LAMA3: variants seen among roughly 807,000 people sequenced by gnomAD.
LAMA3 encodes laminin subunit alpha 3, also known as laminin subunit alpha-3.
A neutral mutation model predicts 402.0 loss-of-function variants in LAMA3; 281 were observed. The observed-to-expected ratio is 0.70, with a 90% CI of 0.63 to 0.77. The LOEUF (loss-of-function observed/expected upper bound fraction) is 0.77, where lower values mean the gene tolerates loss of function less well. Among genes scored for constraint, LAMA3 ranks in the 30% least tolerant of loss-of-function variants. The probability of loss-of-function intolerance (pLI) is 0.00; values close to 1 mark genes in which losing one functional copy is unlikely to be tolerated. For missense variants in LAMA3, 3,840 were observed against 4,215.5 expected, an observed-to-expected ratio of 0.91 and a Z score of 2.47; for synonymous variants, 1,431 against 1,558.4, an observed-to-expected ratio of 0.92 and a Z score of 1.93.
intron 10 of LAMA3, 122 bp from the exon 11 acceptor site, chr18:23,777,435 A>G (rs938201162): frequency 7.0e-6 from 5 of 718,896 alleles, no homozygotes; most frequent in African/African-American, 1.8e-5. Context: ...TCTTTAAATT[A>G]GTCTCTATAT....
At chr18:23,912,929 G>A (rs374741608) in intron 56 of LAMA3, 48 bp downstream of exon 56, 78 of 1,553,654 alleles carry the variant, frequency 5.0e-5, no homozygotes, top group African/African-American at 1.2e-4. Flanking sequence ...AATGTTTTTC[G>A]AGAGGTGTGC....
intron 70 of LAMA3, 39 bp from the exon 71 acceptor site, chr18:23,949,726 G>A (rs775444128): frequency 6.2e-7 from 1 of 1,609,264 alleles, no homozygotes; most frequent in African/African-American, 1.3e-5. Flanking sequence ...TTTCTTGGAG[G>A]TGTAGGTAAT....
chr18:23,791,343 T>C (rs1305042799), intron 12 of LAMA3, among the ~76,000 whole-genome samples: 1 of 152,162 alleles, frequency 6.6e-6, no homozygotes, highest in African/African-American at 2.4e-5. Flanking sequence ...AAGCAGCAGA[T>C]ACAGTTACTT....
intron 34 of LAMA3, among the ~76,000 whole-genome samples, chr18:23,859,887 G>T (rs780733985): frequency 1.3e-5 from 2 of 152,052 alleles, no homozygotes; most frequent in Non-Finnish European, 2.9e-5. Flanking sequence ...TCCTACCTTG[G>T]TCTTCCTGGC....
intron 2 of LAMA3, among the ~76,000 whole-genome samples, chr18:23,739,622 C>T (rs966737190): frequency 3.3e-5 from 5 of 152,118 alleles, no homozygotes; most frequent in Non-Finnish European, 7.4e-5. Context: ...TTGGAAAGAA[C>T]CATTATGAGT....
chr18:23,799,674 C>T (rs371207892), intron 12 of LAMA3, among the ~76,000 whole-genome samples: 11 of 152,082 alleles, frequency 7.2e-5, no homozygotes, highest in Non-Finnish European at 1.5e-4. Flanking sequence ...AATAGCAGAA[C>T]AAGCCTGTAG....
At chr18:23,770,469 G>A (rs1399094564) in intron 8 of LAMA3, among the ~76,000 whole-genome samples, 1 of 152,026 alleles carries the variant, frequency 6.6e-6, no homozygotes, top group Non-Finnish European at 1.5e-5. Flanking sequence ...GTACATCAAA[G>A]AGCTTAACAA....
At chr18:23,896,342 CAAAAGCAAAAACA>C (rs2080871806) in intron 44 of LAMA3, among the ~76,000 whole-genome samples, 1 of 152,112 alleles carries the variant, frequency 6.6e-6, no homozygotes, top group Non-Finnish European at 1.5e-5. Flanking sequence ...TCTCAAAAAA[CAAAAGCAAAAACA>C]AAAAACAAAA....
intron 35 of LAMA3, among the ~76,000 whole-genome samples, chr18:23,863,299 G>T (rs184206737): frequency 1.3e-5 from 2 of 152,188 alleles, no homozygotes; most frequent in African/African-American, 4.8e-5. Flanking sequence ...ACAAAAATTA[G>T]CTGGGCATGG....
chr18:23,756,480 A>G (rs1013579147), intron 6 of LAMA3, among the ~76,000 whole-genome samples: 2 of 148,220 alleles, frequency 1.3e-5, no homozygotes, highest in African/African-American at 5.0e-5. Context: ...AAACCCAAAA[A>G]AACCCCACAA....
At chr18:23,828,899 A>T (rs1013959646) in intron 23 of LAMA3, among the ~76,000 whole-genome samples, 1 of 152,138 alleles carries the variant, frequency 6.6e-6, no homozygotes, top group African/African-American at 2.4e-5. Context: ...TCAAAACTTC[A>T]TGTACTTTTA....
At chr18:23,758,655 C>G (rs1453612561) in intron 7 of LAMA3, 144 bp downstream of exon 7, 2 of 631,154 alleles carry the variant, frequency 3.2e-6, no homozygotes, top group Non-Finnish European at 5.6e-6. Context: ...ATAAGAACCT[C>G]AGACTGCAGG....
chr18:23,796,400 G>A (rs937578762), intron 12 of LAMA3, among the ~76,000 whole-genome samples: 1 of 152,124 alleles, frequency 6.6e-6, no homozygotes, highest in Non-Finnish European at 1.5e-5. Flanking sequence ...ATGGAGCAAG[G>A]GAAGAGAGGT....
At chr18:23,939,195 A>G (rs2082406288) in intron 67 of LAMA3, 28 bp from the exon 68 acceptor site, 1 of 1,610,680 alleles carries the variant, frequency 6.2e-7, no homozygotes, top group Non-Finnish European at 8.5e-7. Context: ...CTTTCCCCTG[A>G]TAATTGTGTT....
At chr18:23,860,754 C>T (rs1328540069) in intron 34 of LAMA3, among the ~76,000 whole-genome samples, 1 of 145,000 alleles carries the variant, frequency 6.9e-6, no homozygotes, top group African/African-American at 2.6e-5. Flanking sequence ...AGTGCAGTGG[C>T]ATGATCTTGG....
At chr18:23,735,785 A>G (rs902909566) in intron 2 of LAMA3, among the ~76,000 whole-genome samples, 1 of 151,920 alleles carries the variant, frequency 6.6e-6, no homozygotes, top group African/African-American at 2.4e-5. Context: ...GTGAGTGTGG[A>G]GTCTAGAGCT....
intron 74 of LAMA3, 133 bp downstream of exon 74, chr18:23,953,242 A>G (rs1240327888): frequency 9.9e-6 from 12 of 1,208,548 alleles, no homozygotes; most frequent in East Asian, 4.7e-5. Flanking sequence ...ATGTGGGGAA[A>G]GGCAGTTGCT....
At chr18:23,795,765 G>A (rs1216292440) in intron 12 of LAMA3, among the ~76,000 whole-genome samples, 1 of 151,818 alleles carries the variant, frequency 6.6e-6, no homozygotes, top group Non-Finnish European at 1.5e-5. Flanking sequence ...TTGTATATTG[G>A]CTTCGTTCTT....
rs758888193 is a variant in LAMA3 at position 23,949,832 on chromosome 18, C to G, written c.9419C>G (p.Thr3140Ser). The change falls in exon 71 of 75, where the codon ACC (threonine) becomes AGC (serine). Residue 3140 changes from threonine (T) to serine (S), a missense_variant. By Grantham distance (58) the Thr-to-Ser change is moderately conservative. Coordinates refer to ENST00000313654, the MANE Select transcript of LAMA3 (RefSeq NM_198129.4). ...CAGCTGGATTCAAAACCCTTGTATA[C>G]CCCTTCTTCAAGCTTCGGGGTGTCT... ...NFQLDSKPLYTPSSSFGVSSC... is the reference protein window; with the variant it reads ...NFQLDSKPLYSPSSSFGVSSC... 11 of 1,614,000 alleles carry G rather than the reference C, an allele frequency of 6.8e-6. No homozygotes were observed. In the East Asian group the frequency reaches 2.5e-4, roughly 36 times the overall value.
Sources: allele counts gnomAD v4.1 joint callset (sites outside exome capture counted in the v4.1 genomes callset), GRCh38; gene constraint gnomAD v4.1.1; transcripts MANE v1.5; gene names NCBI Gene and HGNC (gene_info 2026-07-23, HGNC 2026-07-21).